TENM2: variants seen among roughly 807,000 people sequenced by gnomAD.
TENM2 encodes teneurin transmembrane protein 2, also known as teneurin-2.
Under a neutral mutation model 245.2 loss-of-function variants are expected in TENM2, and 52 were observed. The observed-to-expected ratio is 0.21, with a 90% CI of 0.17 to 0.27. TENM2 has a LOEUF of 0.27. Ranked by LOEUF, TENM2 falls within the 10% of genes least tolerant of loss-of-function variation. The pLI is 1.00. For missense variants in TENM2, 3,046 were observed against 3,666.8 expected (o/e 0.83, Z 4.37); for synonymous variants, 1,363 against 1,438.9 (o/e 0.95, Z 1.19).
At chr5:167,217,014 A>G in the TENM2 span, among the ~76,000 whole-genome samples, 2 of 152,306 alleles carry the variant, frequency 1.3e-5, no homozygotes, top group African/African-American at 4.8e-5. Context: ...TTTTATCTGA[A>G]TATTACATTT....
At chr5:167,404,154 C>A (rs764363661) in intron 2 of TENM2, among the ~76,000 whole-genome samples, 28 of 152,006 alleles carry the variant, frequency 1.8e-4, no homozygotes, top group Non-Finnish European at 3.4e-4. Flanking sequence ...TGCCTCTCCT[C>A]TTGTCTCTAG....
intron 12 of TENM2, 138 bp from the exon 15 acceptor site, chr5:168,162,473 G>A (rs74381891): frequency 0.11 from 89,476 of 828,512 alleles, 5,342 homozygotes; most frequent in South Asian, 0.15. Flanking sequence ...CCCTGACTCT[G>A]TGGAAGGCAG....
At chr5:167,978,460 A>T (rs922706065) in intron 4 of TENM2, among the ~76,000 whole-genome samples, 1 of 152,256 alleles carries the variant, frequency 6.6e-6, no homozygotes, top group African/African-American at 2.4e-5. Flanking sequence ...TGAAGTGCTG[A>T]TACATGCTAC....
chr5:167,112,811 T>G, the TENM2 span, among the ~76,000 whole-genome samples: 1 of 152,206 alleles, frequency 6.6e-6, no homozygotes, highest in South Asian at 2.1e-4. Flanking sequence ...TAACGGAATA[T>G]TGGAAAATTC....
chr5:167,719,456 G>A (rs1268398281), intron 2 of TENM2, among the ~76,000 whole-genome samples: 3 of 152,212 alleles, frequency 2.0e-5, no homozygotes, highest in Non-Finnish European at 4.4e-5. Context: ...CCAGAAGGAA[G>A]CTTCGAACAG....
chr5:167,954,236 G>A (rs990813669), intron 4 of TENM2, among the ~76,000 whole-genome samples: 1 of 151,778 alleles, frequency 6.6e-6, no homozygotes, highest in African/African-American at 2.4e-5. Flanking sequence ...CACAAAGAAT[G>A]GTTACATAAC....
chr5:167,426,343 G>A (rs1419162478), intron 2 of TENM2, among the ~76,000 whole-genome samples: 1 of 151,948 alleles, frequency 6.6e-6, no homozygotes, highest in Admixed American at 6.6e-5. Flanking sequence ...ACCTTGCCAG[G>A]TGTGGTAGTG....
the TENM2 span, among the ~76,000 whole-genome samples, chr5:167,176,172 G>C: frequency 6.6e-6 from 1 of 152,184 alleles, no homozygotes; most frequent in Non-Finnish European, 1.5e-5. Context: ...ATTCTTTCAA[G>C]CTGATCTTCT....
At chr5:168,074,078 C>A (rs1791254268) in intron 7 of TENM2, among the ~76,000 whole-genome samples, 1 of 152,172 alleles carries the variant, frequency 6.6e-6, no homozygotes, top group South Asian at 2.1e-4. Context: ...TGTTGGGAAT[C>A]CCATTCTGAA....
chr5:167,053,204 C>T, the TENM2 span, among the ~76,000 whole-genome samples: 1 of 152,080 alleles, frequency 6.6e-6, no homozygotes, highest in Non-Finnish European at 1.5e-5. Context: ...TTGGTTTCTT[C>T]TACTATATTT....
At chr5:167,272,587 C>T in the TENM2 span, among the ~76,000 whole-genome samples, 5 of 152,268 alleles carry the variant, frequency 3.3e-5, no homozygotes, top group African/African-American at 9.6e-5. Context: ...GTTTGATTCA[C>T]GTGTACTAAC....
chr5:167,245,933 A>G, the TENM2 span, among the ~76,000 whole-genome samples: 2 of 152,098 alleles, frequency 1.3e-5, no homozygotes, highest in Non-Finnish European at 2.9e-5. Context: ...CCCTCCCACT[A>G]AACTGGGGTA....
intron 2 of TENM2, among the ~76,000 whole-genome samples, chr5:167,713,470 A>T (rs1759044315): frequency 6.6e-6 from 1 of 151,980 alleles, no homozygotes; most frequent in Non-Finnish European, 1.5e-5. Context: ...CAAACACACA[A>T]GTACATACAT....
the TENM2 span, among the ~76,000 whole-genome samples, chr5:167,086,925 A>ACACG: frequency 1.9e-5 from 1 of 53,522 alleles, no homozygotes; most frequent in South Asian, 4.1e-4. Context: ...TCTAACACAC[A>ACACG]CACGCACACA....
At chr5:167,249,845 A>C in the TENM2 span, among the ~76,000 whole-genome samples, 1 of 152,106 alleles carries the variant, frequency 6.6e-6, no homozygotes, top group African/African-American at 2.4e-5. Flanking sequence ...ATAGACAGAA[A>C]CTTTGCTTTG....
chr5:167,837,425 G>C (rs79446716), intron 2 of TENM2, among the ~76,000 whole-genome samples: 11,728 of 152,104 alleles, frequency 0.077, 531 homozygotes, highest in African/African-American at 0.12. Flanking sequence ...ATCAGTATAT[G>C]AGAGGGATGA....
chr5:167,103,229 A>G, the TENM2 span, among the ~76,000 whole-genome samples: 10 of 152,088 alleles, frequency 6.6e-5, no homozygotes, highest in Admixed American at 3.9e-4. Context: ...TTTAAAATAG[A>G]TTTTGGGCTT....
intron 1 of TENM2, among the ~76,000 whole-genome samples, chr5:167,349,793 T>C (rs1474638181): frequency 6.6e-6 from 1 of 152,134 alleles, no homozygotes; most frequent in Non-Finnish European, 1.5e-5. Context: ...TTATTTTCTT[T>C]CACATTAAAA....
At chr5:167,259,275 G>C in the TENM2 span, among the ~76,000 whole-genome samples, 3 of 152,156 alleles carry the variant, frequency 2.0e-5, no homozygotes, top group Non-Finnish European at 4.4e-5. Flanking sequence ...GAGATCTGGA[G>C]ACACATATAG....
Sources: gnomAD v4.1 joint callset for allele counts (sites outside exome capture counted in the v4.1 genomes callset) on GRCh38, gnomAD v4.1.1 for gene constraint, MANE v1.5 for transcripts, NCBI Gene and HGNC (gene_info 2026-07-23, HGNC 2026-07-21) for gene names.